The following CACNA2D3 variants were observed in gnomAD, a reference collection of about 807,000 sequenced individuals.
The protein encoded by CACNA2D3 is voltage-dependent calcium channel subunit alpha-2/delta-3.
A neutral mutation model predicts 160.6 loss-of-function variants in CACNA2D3; 60 were observed. The observed-to-expected ratio is 0.37, with a 90% confidence interval of 0.30 to 0.46. The LOEUF is 0.46. CACNA2D3 is among the 20% of genes least tolerant of loss of function. CACNA2D3 has a pLI of 1.00. For synonymous variants in CACNA2D3, 558 were observed against 492.9 expected (o/e 1.13, Z -1.75); for missense variants, 1,205 against 1,365.0 (o/e 0.88, Z 1.85).
At chr3:54,142,957 C>T (rs560914225) in intron 2 of CACNA2D3, among the ~76,000 whole-genome samples, 1 of 152,316 alleles carries the variant, frequency 6.6e-6, no homozygotes, top group South Asian at 2.1e-4. Context: ...ATCCCTCTCC[C>T]TGAGTGTGTA....
chr3:54,939,298 G>A (rs1429005546), intron 27 of CACNA2D3, among the ~76,000 whole-genome samples: 5 of 152,212 alleles, frequency 3.3e-5, no homozygotes, highest in Non-Finnish European at 7.3e-5. Flanking sequence ...GAAACTTGAT[G>A]AGACTGACTC....
chr3:55,018,085 G>A, intron 34 of CACNA2D3, 121 bp from the exon 35 acceptor site: 1 of 662,950 alleles, frequency 1.5e-6, no homozygotes, highest in African/African-American at 1.8e-5. Flanking sequence ...ATTATGCTGT[G>A]CTAGAAAAAT....
intron 27 of CACNA2D3, among the ~76,000 whole-genome samples, chr3:54,900,132 G>A (rs1228146545): frequency 1.3e-5 from 2 of 152,162 alleles, no homozygotes; most frequent in East Asian, 1.9e-4. Context: ...AGTACTTGCC[G>A]AGGAGAATTT....
intron 35 of CACNA2D3, among the ~76,000 whole-genome samples, chr3:55,034,057 T>C (rs1386569215): frequency 1.3e-5 from 2 of 151,360 alleles, no homozygotes; most frequent in Non-Finnish European, 1.5e-5. Flanking sequence ...AATTTATCTA[T>C]ACATTAAATT....
rs566662308 is a variant in CACNA2D3, at chr3:54,864,291, T to C, written c.1627-7248T>C. ...TTGTAGGTGTTCTTTTTTTTTTTTT[T>C]CCAAGACAGTCTCTCTCTGTCGCCC... On this transcript the variant is annotated intron_variant, in intron 17 of 37. Transcript: ENST00000474759. Among the ~76,000 whole-genome samples, 643 of 151,400 alleles carry C rather than the reference T, an allele frequency of 4.2e-3. 3 individuals are homozygous for C. Among genetic ancestry groups the C allele is most frequent in the Non-Finnish European group, 7.1e-3 (486 of 67,986 alleles).
intron 2 of CACNA2D3, among the ~76,000 whole-genome samples, chr3:54,180,416 T>A (rs926563726): frequency 6.6e-6 from 1 of 152,190 alleles, no homozygotes; most frequent in Non-Finnish European, 1.5e-5. Flanking sequence ...ACCGAGTGAA[T>A]GAGTGCTACC....
At chr3:54,792,516 G>C (rs1702780890) in intron 13 of CACNA2D3, among the ~76,000 whole-genome samples, 1 of 152,122 alleles carries the variant, frequency 6.6e-6, no homozygotes, top group East Asian at 1.9e-4. Context: ...CTAGCTCTAG[G>C]TGGCCAAATG....
Position 54,302,575 on chromosome 3 carries a change from G to A in CACNA2D3, c.205-17867G>A, listed in dbSNP as rs564467976. On this transcript the variant is annotated intron_variant, in intron 2 of 37. Transcript: ENST00000474759. ...GCTGAAAGCATCACTGCAGCTGAGC[G>A]TGCACTCTTTCTCCACATACTCTCA... Among the ~76,000 whole-genome samples, 7 of 152,204 alleles carry A rather than the reference G, an allele frequency of 4.6e-5. No homozygotes were observed. In the East Asian group the frequency reaches 7.7e-4, roughly 17 times the overall value.
chr3:54,148,064 T>C (rs1319415159), intron 2 of CACNA2D3, among the ~76,000 whole-genome samples: 3 of 152,264 alleles, frequency 2.0e-5, no homozygotes, highest in South Asian at 2.1e-4. Flanking sequence ...CCCAAAGTGC[T>C]GGGATTACAG....
chr3:54,341,610 C>T (rs796536720), intron 3 of CACNA2D3, among the ~76,000 whole-genome samples: 12 of 152,254 alleles, frequency 7.9e-5, no homozygotes, highest in African/African-American at 2.6e-4. Flanking sequence ...CTGCTACTAG[C>T]GTCCCCTTCT....
chr3:54,527,193 T>C (rs773513493), intron 5 of CACNA2D3, among the ~76,000 whole-genome samples: 5 of 152,222 alleles, frequency 3.3e-5, no homozygotes, highest in Non-Finnish European at 5.9e-5. Flanking sequence ...ACAGTTTAGA[T>C]TATATCTCCA....
At chr3:54,272,097 A>G (rs1702634379) in intron 2 of CACNA2D3, among the ~76,000 whole-genome samples, 3 of 151,968 alleles carry the variant, frequency 2.0e-5, no homozygotes, top group Non-Finnish European at 4.4e-5. Flanking sequence ...TCTGGATGGG[A>G]CACATACCTT....
At chr3:54,368,206 A>G (rs1698858969) in intron 3 of CACNA2D3, among the ~76,000 whole-genome samples, 1 of 152,024 alleles carries the variant, frequency 6.6e-6, no homozygotes, top group Non-Finnish European at 1.5e-5. Context: ...CGTACCAAGT[A>G]CTCCTGTAAT....
intron 2 of CACNA2D3, among the ~76,000 whole-genome samples, chr3:54,241,248 C>G (rs1701968787): frequency 6.6e-6 from 1 of 152,148 alleles, no homozygotes; most frequent in African/African-American, 2.4e-5. Context: ...CTGCACAGGG[C>G]TGTTGTTTAA....
At chr3:54,231,827 C>G (rs948715963) in intron 2 of CACNA2D3, among the ~76,000 whole-genome samples, 2 of 151,690 alleles carry the variant, frequency 1.3e-5, no homozygotes, top group Non-Finnish European at 2.9e-5. Flanking sequence ...GACAGCTGCT[C>G]ACTGTCCAGC....
chr3:54,550,627 C>A (rs895845846), intron 5 of CACNA2D3, among the ~76,000 whole-genome samples: 8 of 152,214 alleles, frequency 5.3e-5, no homozygotes, highest in Non-Finnish European at 1.0e-4. Flanking sequence ...TTTTAGTCTG[C>A]AAATCTATGA....
intron 3 of CACNA2D3, among the ~76,000 whole-genome samples, chr3:54,349,699 C>G (rs1361280277): frequency 3.9e-5 from 6 of 152,208 alleles, no homozygotes; most frequent in Non-Finnish European, 5.9e-5. Flanking sequence ...TCCCCCCTCC[C>G]CCAGGCATCC....
At chr3:54,129,285 C>T (rs1316072554) in intron 2 of CACNA2D3, among the ~76,000 whole-genome samples, 2 of 152,168 alleles carry the variant, frequency 1.3e-5, no homozygotes, top group African/African-American at 2.4e-5. Flanking sequence ...ATAGCCAGCA[C>T]GTCTACTTTT....
intron 11 of CACNA2D3, among the ~76,000 whole-genome samples, chr3:54,658,986 C>G (rs1362279305): frequency 6.6e-6 from 1 of 152,124 alleles, no homozygotes; most frequent in Non-Finnish European, 1.5e-5. Flanking sequence ...CTCTGGGGCA[C>G]TTTGCCCCCA....
Sources: allele counts gnomAD v4.1 joint callset (sites outside exome capture counted in the v4.1 genomes callset), GRCh38; gene constraint gnomAD v4.1.1; transcripts MANE v1.5; gene names NCBI Gene and HGNC (gene_info 2026-07-23, HGNC 2026-07-21).